The following TRIM33 variants were observed in gnomAD, a reference collection of about 807,000 sequenced individuals.
The protein encoded by TRIM33 is E3 ubiquitin-protein ligase TRIM33.
Under a neutral mutation model 125.4 loss-of-function variants are expected in TRIM33, and 20 were observed. The ratio of observed to expected loss-of-function variants is 0.16; its 90% CI spans 0.11 to 0.23. TRIM33 has a LOEUF of 0.23. Ranked by LOEUF, TRIM33 falls within the 10% of genes least tolerant of loss-of-function variation. The pLI is 1.00. For missense variants in TRIM33, 920 were observed against 1,411.4 expected, an observed-to-expected ratio of 0.65 and a Z score of 5.58; for synonymous variants, 564 against 513.9, an observed-to-expected ratio of 1.10 and a Z score of -1.32.
chr1:114,506,337 C>A (rs1238536392), intron 1 of TRIM33, among the ~76,000 whole-genome samples: 1 of 148,998 alleles, frequency 6.7e-6, no homozygotes, highest in Admixed American at 6.7e-5. Context: ...GAGCCGAGAT[C>A]GCACCATTGC....
At chr1:114,453,675 T>A (rs1205752279) in intron 4 of TRIM33, among the ~76,000 whole-genome samples, 2 of 152,166 alleles carry the variant, frequency 1.3e-5, no homozygotes, top group Non-Finnish European at 2.9e-5. Flanking sequence ...ACAATCTGAT[T>A]TACAGTGGGA....
chr1:114,510,931 T>G lies in TRIM33; in HGVS notation c.146A>C (p.Glu49Ala). 1 of 1,376,056 alleles carries G rather than the reference T, an allele frequency of 7.3e-7. No homozygotes were observed. The highest frequency in any genetic ancestry group is 9.4e-7 in the Non-Finnish European group (1 of 1,064,880). The allele number at this position is 1,376,056 out of a possible 1,614,324, so 85.2% of individuals were successfully genotyped here. A position where few individuals can be genotyped will look rare whatever the true frequency, so the allele number is the denominator to read the frequency against. The change falls in exon 1 of 20, where the codon GAA (glutamate) becomes GCA (alanine). Residue 49 changes from glutamate (E) to alanine (A), a missense_variant. By Grantham distance (107) the Glu-to-Ala change is moderately radical. Transcript: ENST00000358465. ...TAVLVEEEEE[E>A]GGRAGAEGGA... ...GCCCTCAGCGCCGGCCCTGCCGCCTTCCTCCTCCTCCTCCTCCACCAGCAC... is the reference window on the plus strand; with the variant it reads ...GCCCTCAGCGCCGGCCCTGCCGCCTGCCTCCTCCTCCTCCTCCACCAGCAC...
intron 1 of TRIM33, among the ~76,000 whole-genome samples, chr1:114,488,156 T>C (rs1264435025): frequency 6.6e-6 from 1 of 152,106 alleles, no homozygotes; most frequent in Non-Finnish European, 1.5e-5. Flanking sequence ...AACGTTGCGA[T>C]ATCTAAGACG....
chr1:114,508,633 G>C (rs1653148370), intron 1 of TRIM33, among the ~76,000 whole-genome samples: 2 of 151,972 alleles, frequency 1.3e-5, no homozygotes, highest in Non-Finnish European at 2.9e-5. Flanking sequence ...CCCCAGCCCT[G>C]CTTCAGTGTC....
chr1:114,484,342 A>T (rs1046181604), intron 1 of TRIM33, among the ~76,000 whole-genome samples: 2 of 144,950 alleles, frequency 1.4e-5, no homozygotes, highest in African/African-American at 2.9e-5. Context: ...GTAAAAAAAT[A>T]AAAAAAACTT....
At chr1:114,485,259 G>A (rs888551663) in intron 1 of TRIM33, among the ~76,000 whole-genome samples, 9 of 150,940 alleles carry the variant, frequency 6.0e-5, no homozygotes, top group African/African-American at 1.7e-4. Context: ...AAATAAAGGC[G>A]ACTTTAATTG....
chr1:114,492,730 T>C (rs966169948), intron 1 of TRIM33, among the ~76,000 whole-genome samples: 2 of 152,242 alleles, frequency 1.3e-5, no homozygotes, highest in African/African-American at 4.8e-5. Context: ...TTTACTCATA[T>C]TGCAGCATGT....
At chr1:114,474,047 C>A (rs1175519737) in intron 1 of TRIM33, among the ~76,000 whole-genome samples, 1 of 151,922 alleles carries the variant, frequency 6.6e-6, no homozygotes, top group African/African-American at 2.4e-5. Flanking sequence ...TACGGGCATA[C>A]ACCATCACAC....
At position 114,392,838 on chromosome 1, in the gene TRIM33, C is replaced by G. The variant is rs181041729; in HGVS notation, c.*4810G>C. ...GAAATAACCAAAACAATGTGGCTTT[C>G]AAACAAGGGTTTAAAACTAATCTAA... On this transcript the variant is annotated 3_prime_UTR_variant, in exon 20 of 20. Coordinates refer to ENST00000358465, the MANE Select transcript of TRIM33 (RefSeq NM_015906.4). The G allele has an allele frequency of 3.3e-5, 6 of 183,076 alleles. No individual in the cohort carries two copies. In the Admixed American group the frequency reaches 3.8e-4, roughly 11 times the overall value. 11.3% of individuals were successfully genotyped at this position (183,076 alleles called of 1,614,324 possible). A position where few individuals can be genotyped will look rare whatever the true frequency, so the allele number is the denominator to read the frequency against.
chr1:114,410,416 G>GTTT, intron 11 of TRIM33, 100 bp from the exon 12 acceptor site: 4 of 1,218,784 alleles, frequency 3.3e-6, no homozygotes, highest in Non-Finnish European at 2.3e-6. Flanking sequence ...TAAACTAACA[G>GTTT]ATTATCCAAT....
chr1:114,457,788 C>T (rs908079724), intron 4 of TRIM33, among the ~76,000 whole-genome samples: 4 of 152,158 alleles, frequency 2.6e-5, no homozygotes, highest in South Asian at 2.1e-4. Flanking sequence ...TGGAGGGCCA[C>T]CACTGTGATT....
intron 10 of TRIM33, among the ~76,000 whole-genome samples, chr1:114,422,182 C>A (rs1647242216): frequency 6.6e-6 from 1 of 152,110 alleles, no homozygotes; most frequent in Admixed American, 6.6e-5. Flanking sequence ...TTATGAGGAT[C>A]ATTTAAGACA....
chr1:114,484,111 A>C (rs1651523327), intron 1 of TRIM33, among the ~76,000 whole-genome samples: 1 of 152,172 alleles, frequency 6.6e-6, no homozygotes, highest in African/African-American at 2.4e-5. Flanking sequence ...TTGCAAAAAG[A>C]TGTTTTATTT....
intron 1 of TRIM33, among the ~76,000 whole-genome samples, chr1:114,493,684 T>C (rs375314961): frequency 3.2e-4 from 49 of 152,278 alleles, no homozygotes; most frequent in South Asian, 1.7e-3. Context: ...CATCCTTTTT[T>C]TGTTTTGAGA....
intron 5 of TRIM33, among the ~76,000 whole-genome samples, chr1:114,432,305 ACATTT>A (rs1648006839): frequency 6.9e-6 from 1 of 144,528 alleles, no homozygotes. Flanking sequence ...TCAACTCACT[ACATTT>A]CCTTTGAAAG....
chr1:114,423,799 A>G (rs1176145343), intron 10 of TRIM33, among the ~76,000 whole-genome samples: 1 of 152,176 alleles, frequency 6.6e-6, no homozygotes, highest in South Asian at 2.1e-4. Context: ...TTTAGTACGC[A>G]GATTGACCTG....
intron 1 of TRIM33, among the ~76,000 whole-genome samples, chr1:114,469,725 T>C (rs796855431): frequency 5.9e-5 from 9 of 152,246 alleles, no homozygotes; most frequent in African/African-American, 2.2e-4. Flanking sequence ...CAGACAGACA[T>C]TAGCATGAGC....
intron 1 of TRIM33, among the ~76,000 whole-genome samples, chr1:114,502,564 C>T (rs1283571128): frequency 2.6e-5 from 4 of 152,166 alleles, no homozygotes; most frequent in Admixed American, 1.3e-4. Context: ...TGGAGTGCAA[C>T]GGCATGATCG....
intron 11 of TRIM33, among the ~76,000 whole-genome samples, chr1:114,412,460 T>C (rs1029727302): frequency 3.9e-5 from 6 of 152,194 alleles, no homozygotes; most frequent in African/African-American, 1.4e-4. Context: ...GAAACCCAAA[T>C]CAAGAATAGT....
Sources: allele counts gnomAD v4.1 joint callset (sites outside exome capture counted in the v4.1 genomes callset), GRCh38; gene constraint gnomAD v4.1.1; transcripts MANE v1.5; gene names NCBI Gene and HGNC (gene_info 2026-07-23, HGNC 2026-07-21).